Variants in KCNN3 observed in about 807,000 individuals in gnomAD.
KCNN3 encodes the protein potassium calcium-activated channel subfamily N member 3, also known as small conductance calcium-activated potassium channel protein 3.
Under a neutral mutation model 62.9 loss-of-function variants are expected in KCNN3, and 16 were observed. The observed-to-expected ratio is 0.25, with a 90% CI of 0.17 to 0.39. The LOEUF is 0.39. KCNN3 is among the 10% of genes least tolerant of loss of function. KCNN3 has a pLI of 1.00. For missense variants in KCNN3, 599 were observed against 949.4 expected, an observed-to-expected ratio of 0.63 and a Z score of 4.85; for synonymous variants, 370 against 389.2, an observed-to-expected ratio of 0.95 and a Z score of 0.58.
chr1:154,823,353 A>G (rs1192688785), intron 1 of KCNN3, among the ~76,000 whole-genome samples: 2 of 152,198 alleles, frequency 1.3e-5, no homozygotes, highest in African/African-American at 4.8e-5. Flanking sequence ...TGCACGCCAC[A>G]AAAGAAACAT....
At chr1:154,766,416 T>TTAAATATATATATATATATCTATATATA (rs1553231995) in intron 3 of KCNN3, among the ~76,000 whole-genome samples, 1 of 71,812 alleles carries the variant, frequency 1.4e-5, no homozygotes, top group Non-Finnish European at 2.8e-5. Flanking sequence ...TAGCCAGGCT[T>TTAAATATATATATATATATCTATATATA]TATATATATA....
At chr1:154,815,656 G>A (rs1650634257) in intron 2 of KCNN3, among the ~76,000 whole-genome samples, 1 of 152,188 alleles carries the variant, frequency 6.6e-6, no homozygotes, top group Non-Finnish European at 1.5e-5. Context: ...ACGAATGAAT[G>A]GACTCACCAT....
intron 1 of KCNN3, among the ~76,000 whole-genome samples, chr1:154,839,394 C>T (rs1022575012): frequency 6.6e-6 from 1 of 152,222 alleles, no homozygotes; most frequent in Non-Finnish European, 1.5e-5. Context: ...GACCATCTGT[C>T]TTCCAAATTC....
intron 5 of KCNN3, among the ~76,000 whole-genome samples, chr1:154,723,780 C>T (rs979623568): frequency 5.9e-5 from 9 of 152,206 alleles, no homozygotes; most frequent in East Asian, 1.9e-4. Flanking sequence ...CACTCCGGCA[C>T]GTAGTTTCAA....
intron 2 of KCNN3, among the ~76,000 whole-genome samples, chr1:154,821,622 C>A (rs1650903106): frequency 6.6e-6 from 1 of 152,220 alleles, no homozygotes; most frequent in Non-Finnish European, 1.5e-5. Context: ...AGGGTGAAGA[C>A]CACACCATTC....
At position 154,805,118 on chromosome 1, in the gene KCNN3, C is replaced by T. The variant is rs113611496; in HGVS notation, c.1029+16971G>A. On this transcript the variant is annotated intron_variant, in intron 2 of 7. Transcript: ENST00000271915. ...TCCTCTCTACACATCTAATGCTGCTCGGCACACAGTCAGGGTTCGAGTGAG... is the reference window on the plus strand; with the variant it reads ...TCCTCTCTACACATCTAATGCTGCTTGGCACACAGTCAGGGTTCGAGTGAG... 4.4e-4 allele frequency among the ~76,000 whole-genome samples: 67 copies of T among 152,210 alleles called. 1 individual carries two copies. The highest frequency in any genetic ancestry group is 1.5e-3 in the African/African-American group (63 of 41,512).
chr1:154,726,092 T>C (rs898519927), intron 4 of KCNN3, 66 bp from the exon 5 acceptor site: 3 of 1,233,928 alleles, frequency 2.4e-6, no homozygotes, highest in Non-Finnish European at 3.5e-6. Flanking sequence ...GATGAGAGAC[T>C]CAACACGCCT....
chr1:154,717,604 G>C (rs935035745), intron 5 of KCNN3, among the ~76,000 whole-genome samples: 1 of 151,644 alleles, frequency 6.6e-6, no homozygotes, highest in Non-Finnish European at 1.5e-5. Context: ...GACAGAACAC[G>C]GAGTCCAGGT....
At position 154,781,008 on chromosome 1, in the gene KCNN3, C is replaced by T. The variant is rs141055156; in HGVS notation, c.1030-8615G>A. On this transcript the variant is annotated intron_variant, in intron 2 of 7. Coordinates refer to ENST00000271915, the MANE Select transcript of KCNN3 (RefSeq NM_002249.6). ...AGAAATTGTCCTCATCTGAAACCAT[C>T]CCACTCCCTGGGCCATGTGTGATGT... 6.5e-3 allele frequency among the ~76,000 whole-genome samples: 985 copies of T among 152,304 alleles called. 6 individuals are homozygous for T. The highest frequency in any genetic ancestry group is 8.7e-3 in the Non-Finnish European group (589 of 68,020).
At chr1:154,827,636 T>TA (rs1651193380) in intron 1 of KCNN3, among the ~76,000 whole-genome samples, 2 of 151,936 alleles carry the variant, frequency 1.3e-5, no homozygotes. Context: ...CCATCTCTAC[T>TA]AAAAATACAA....
chr1:154,863,725 G>C (rs147926520), intron 1 of KCNN3, among the ~76,000 whole-genome samples: 1 of 152,292 alleles, frequency 6.6e-6, no homozygotes, highest in East Asian at 1.9e-4. Context: ...AGCACAATAA[G>C]AGAAATACGA....
chr1:154,823,790 G>A (rs1047779907), intron 1 of KCNN3, among the ~76,000 whole-genome samples: 4 of 152,196 alleles, frequency 2.6e-5, no homozygotes, highest in African/African-American at 9.6e-5. Context: ...AGGCAGATGT[G>A]AGGAGCAGCT....
intron 3 of KCNN3, among the ~76,000 whole-genome samples, chr1:154,751,316 C>G (rs1647366983): frequency 6.6e-6 from 1 of 152,230 alleles, no homozygotes; most frequent in South Asian, 2.1e-4. Flanking sequence ...TCCCCCTTCT[C>G]TCTCCCACTC....
At chr1:154,817,346 A>C (rs760279971) in intron 2 of KCNN3, among the ~76,000 whole-genome samples, 1 of 152,248 alleles carries the variant, frequency 6.6e-6, no homozygotes, top group African/African-American at 2.4e-5. Context: ...AAAGGGGTAT[A>C]TGTGCTTCAG....
chr1:154,777,530 C>T (rs1472104091), intron 2 of KCNN3, among the ~76,000 whole-genome samples: 3 of 152,226 alleles, frequency 2.0e-5, no homozygotes, highest in Non-Finnish European at 4.4e-5. Context: ...GGGACACCCT[C>T]TTATTCCCAA....
chr1:154,841,404 C>T (rs1651824087), intron 1 of KCNN3, among the ~76,000 whole-genome samples: 1 of 152,168 alleles, frequency 6.6e-6, no homozygotes, highest in Admixed American at 6.5e-5. Flanking sequence ...CCAGGTTGCA[C>T]CTCAGGGCAG....
chr1:154,771,790 A>G (rs1221900586), intron 3 of KCNN3, 185 bp downstream of exon 3: 2 of 684,310 alleles, frequency 2.9e-6, no homozygotes, highest in Admixed American at 2.2e-5. Flanking sequence ...TTTGGTTCCA[A>G]TGCTGCAATT....
chr1:154,713,509 C>T lies in KCNN3; in HGVS notation c.1854G>A (p.Gln618=). ...IHQLRSVKME[Q]RKLSDQANTL... is the part of the protein sequence containing the mutation. ...TGTTGGCTTGGTCACTCAGCTTCCT[C>T]TGTTCCATCTTGACGCTCCTCAACC... is the stretch of plus-strand genomic sequence containing the variant. The change falls in exon 7 of 8, where the codon CAG becomes CAA. Residue 618 remains glutamine, a synonymous_variant. Transcript: ENST00000271915. 3 of 1,614,046 alleles carry T rather than the reference C, an allele frequency of 1.9e-6. No individual in the cohort carries two copies. Among genetic ancestry groups the T allele is most frequent in the Non-Finnish European group, 2.5e-6 (3 of 1,179,922 alleles).
intron 2 of KCNN3, among the ~76,000 whole-genome samples, chr1:154,804,327 G>A (rs952177253): frequency 6.6e-5 from 10 of 152,342 alleles, no homozygotes; most frequent in East Asian, 3.9e-4. Context: ...CCACAGCTTC[G>A]CAAATGCGGA....
Sources: gnomAD v4.1 joint callset for allele counts (sites outside exome capture counted in the v4.1 genomes callset) on GRCh38, gnomAD v4.1.1 for gene constraint, MANE v1.5 for transcripts, NCBI Gene and HGNC (gene_info 2026-07-23, HGNC 2026-07-21) for gene names.